Variants in PCDHA4 observed in about 807,000 individuals in gnomAD.
PCDHA4 encodes protocadherin alpha-4.
Under a neutral mutation model 61.4 loss-of-function variants are expected in PCDHA4, and 49 were observed. The observed-to-expected ratio is 0.80, with a 90% CI of 0.63 to 1.01. The LOEUF is 1.01. Among genes scored for constraint, PCDHA4 ranks in the 50% least tolerant of loss-of-function variants. PCDHA4 has a pLI of 0.00. For synonymous variants in PCDHA4, 590 were observed against 550.3 expected (o/e 1.07, Z -1.01); for missense variants, 1,254 against 1,235.8 (o/e 1.01, Z -0.22).
chr5:140,843,613 A>G, intron 1 of PCDHA4: 1 of 1,596,056 alleles, frequency 6.3e-7, no homozygotes, highest in Non-Finnish European at 8.6e-7. Context: ...GTGAGGGGCC[A>G]CCGAAGACGG....
chr5:140,908,268 A>G (rs1401852970), intron 1 of PCDHA4, among the ~76,000 whole-genome samples: 4 of 152,284 alleles, frequency 2.6e-5, no homozygotes, highest in African/African-American at 9.6e-5. Context: ...GGAACTCCCC[A>G]TGAGGCCATT....
At position 140,822,568 on chromosome 5, in the gene PCDHA4, G is replaced by A. The variant is rs2150117347; in HGVS notation, c.2385+12996G>A. ...TGGGACATTAGTTATTAAACTGAAC[G>A]CCTCAGATGCAGATGAGGGCATCAA... On this transcript the variant is annotated intron_variant, in intron 1 of 3. Coordinates refer to ENST00000530339, the MANE Select transcript of PCDHA4 (RefSeq NM_018907.4). The A allele has an allele frequency of 1.2e-6, 2 of 1,612,652 alleles. No individual in the cohort carries two copies.
At chr5:140,892,673 T>C (rs1554185319) in intron 1 of PCDHA4, among the ~76,000 whole-genome samples, 1 of 152,262 alleles carries the variant, frequency 6.6e-6, no homozygotes, top group East Asian at 1.9e-4. Flanking sequence ...TTGATACATA[T>C]ATACAATGTA....
intron 1 of PCDHA4, chr5:140,824,115 C>A: frequency 6.2e-7 from 1 of 1,613,930 alleles, no homozygotes; most frequent in South Asian, 1.1e-5. Context: ...AGGGTCCCAC[C>A]TCTACAGACA....
chr5:140,951,318 G>C (rs2094570791), intron 1 of PCDHA4, among the ~76,000 whole-genome samples: 1 of 152,038 alleles, frequency 6.6e-6, no homozygotes, highest in Non-Finnish European at 1.5e-5. Context: ...TGTTATTCTT[G>C]AGATTCATCA....
chr5:140,966,402 G>A (rs1554228257), intron 1 of PCDHA4: 4 of 404,514 alleles, frequency 9.9e-6, no homozygotes, highest in African/African-American at 8.2e-5. Context: ...ACTTCGGCGC[G>A]GAATCAGAGC....
intron 1 of PCDHA4, among the ~76,000 whole-genome samples, chr5:140,919,265 T>A (rs534045587): frequency 4.3e-4 from 66 of 152,394 alleles, no homozygotes. Flanking sequence ...GATATTAGTG[T>A]AGTCACTCCA....
rs77488964 is a variant in PCDHA4, at chr5:140,929,006, C to T, written c.2386-49943C>T. The T allele has an allele frequency of 3.2e-3, 5,179 of 1,614,048 alleles. 25 individuals carry two copies. Among genetic ancestry groups the T allele is most frequent in the African/African-American group, 0.019 (1,447 of 75,028 alleles). ...GGGTGCTTACTTTTCTTCGTGTGTA[C>T]CAAGTTGCACCAGAGCCCAGGCTGT... is the stretch of plus-strand genomic sequence containing the variant. On this transcript the variant is annotated intron_variant, in intron 1 of 3. Coordinates refer to ENST00000530339, the MANE Select transcript of PCDHA4 (RefSeq NM_018907.4).
chr5:140,952,658 C>T (rs2094779074), intron 1 of PCDHA4, among the ~76,000 whole-genome samples: 1 of 152,196 alleles, frequency 6.6e-6, no homozygotes. Flanking sequence ...TACCCAGTTC[C>T]AAAGTCACTT....
At chr5:140,869,560 C>T in intron 1 of PCDHA4, 1 of 1,614,158 alleles carries the variant, frequency 6.2e-7, no homozygotes, top group Non-Finnish European at 8.5e-7. Context: ...CTCGCGTTTT[C>T]CACTAGAGGG....
At chr5:140,966,542 G>C (rs926112867) in intron 1 of PCDHA4, 4 of 464,302 alleles carry the variant, frequency 8.6e-6, no homozygotes, top group Non-Finnish European at 1.5e-5. Flanking sequence ...GAGCGACTCG[G>C]AGGCGAGCGG....
intron 1 of PCDHA4, chr5:140,841,071 T>TAAATTATGATAA (rs1198848273): frequency 1.2e-5 from 6 of 492,312 alleles, no homozygotes; most frequent in Non-Finnish European, 2.1e-5. Context: ...GATAAAGAAA[T>TAAATTATGATAA]AGAAAGTGCA....
chr5:140,909,011 T>G (rs998704146), intron 1 of PCDHA4, among the ~76,000 whole-genome samples: 1 of 152,170 alleles, frequency 6.6e-6, no homozygotes, highest in Non-Finnish European at 1.5e-5. Flanking sequence ...AGGTAGAAGG[T>G]TCCTGAATTT....
chr5:140,994,460 T>C (rs1260062613), intron 3 of PCDHA4, among the ~76,000 whole-genome samples: 1 of 152,124 alleles, frequency 6.6e-6, no homozygotes, highest in African/African-American at 2.4e-5. Context: ...CCCAGCACTT[T>C]GGGAGGCTGA....
intron 1 of PCDHA4, chr5:140,883,357 T>C: frequency 6.2e-7 from 1 of 1,614,094 alleles, no homozygotes; most frequent in Non-Finnish European, 8.5e-7. Context: ...GAGAAGACAC[T>C]CAGCCTAGCG....
intron 1 of PCDHA4, among the ~76,000 whole-genome samples, chr5:140,845,780 T>C (rs1273116464): frequency 6.7e-6 from 1 of 149,642 alleles, no homozygotes; most frequent in Non-Finnish European, 1.5e-5. Context: ...TATAAATTAT[T>C]AATAATAAAC....
chr5:140,877,558 A>G (rs782179941), intron 1 of PCDHA4: 7 of 1,613,628 alleles, frequency 4.3e-6, no homozygotes, highest in Non-Finnish European at 5.9e-6. Flanking sequence ...TCTGGTGGAT[A>G]TTAACGTGTA....
intron 1 of PCDHA4, chr5:140,968,646 C>T (rs2153772882): frequency 6.2e-7 from 1 of 1,614,216 alleles, no homozygotes; most frequent in Non-Finnish European, 8.5e-7. Context: ...CTAGCCCAGA[C>T]TTCTGACCTG....
chr5:140,869,511 A>T (rs1160788033), intron 1 of PCDHA4: 4 of 1,614,076 alleles, frequency 2.5e-6, no homozygotes, highest in Non-Finnish European at 2.5e-6. Context: ...TCTCGCTCAG[A>T]GAACAAAAGC....
Sources: gnomAD v4.1 joint callset for allele counts (sites outside exome capture counted in the v4.1 genomes callset) on GRCh38, gnomAD v4.1.1 for gene constraint, MANE v1.5 for transcripts, NCBI Gene and HGNC (gene_info 2026-07-23, HGNC 2026-07-21) for gene names.